FAM210A: variants seen among roughly 807,000 people sequenced by gnomAD.
FAM210A encodes family with sequence similarity 210 member A.
FAM210A carries 13 observed loss-of-function variants against 25.3 expected under a neutral mutation model. The ratio of observed to expected loss-of-function variants is 0.51; its 90% CI spans 0.33 to 0.82. FAM210A has a LOEUF of 0.82. FAM210A is among the 40% of genes least tolerant of loss of function. The pLI is 0.02. For missense variants in FAM210A, 319 were observed against 323.2 expected (o/e 0.99, Z 0.10); for synonymous variants, 125 against 118.7 (o/e 1.05, Z -0.35).
chr18:13,714,264 A>G (rs2043843898), intron 1 of FAM210A, among the ~76,000 whole-genome samples: 1 of 152,226 alleles, frequency 6.6e-6, no homozygotes, highest in Non-Finnish European at 1.5e-5. Flanking sequence ...CATACTATGT[A>G]TTAGGGGAAT....
At position 13,665,333 on chromosome 18, in the gene FAM210A, T is replaced by C. The variant is rs914984704; in HGVS notation, c.*1147A>G. Reference sequence around the variant, plus strand: ...AGGCAGAGGATGCAGTGAGCCGAGATTGTACCATTGCACTCCAGTCTGGGA... The same window carrying C: ...AGGCAGAGGATGCAGTGAGCCGAGACTGTACCATTGCACTCCAGTCTGGGA... On this transcript the variant is annotated 3_prime_UTR_variant, in exon 4 of 4. Coordinates refer to ENST00000651643, the MANE Select transcript of FAM210A (RefSeq NM_152352.4). The C allele has an allele frequency of 7.3e-6, 1 of 136,772 alleles. No homozygotes were observed. Among genetic ancestry groups the C allele is most frequent in the Non-Finnish European group, 1.5e-5 (1 of 65,676 alleles). 8.5% of individuals were successfully genotyped at this position (136,772 alleles called of 1,614,324 possible).
At chr18:13,688,418 G>A (rs980883762) in intron 1 of FAM210A, among the ~76,000 whole-genome samples, 2 of 152,066 alleles carry the variant, frequency 1.3e-5, no homozygotes, top group Admixed American at 1.3e-4. Flanking sequence ...CATCAAGAGA[G>A]GCACCTTGAC....
At position 13,681,744 on chromosome 18, in the gene FAM210A, G is replaced by A; in HGVS notation, c.334C>T (p.Pro112Ser). ...ATAGATTTGTCTTGCAAAGGATCAG[G>A]CTCTTCCTTTTTTTCCGGAGTTCCC... ...AQGTPEKKEE[P>S]DPLQDKSISL... The change falls in exon 2 of 4, where the codon CCT (proline) becomes TCT (serine). Residue 112 changes from proline to serine, a missense_variant. Transcript: ENST00000651643. The A allele has an allele frequency of 6.2e-7, 1 of 1,614,134 alleles. No homozygotes were observed. Among genetic ancestry groups the A allele is most frequent in the Non-Finnish European group, 8.5e-7 (1 of 1,180,044 alleles).
intron 2 of FAM210A, among the ~76,000 whole-genome samples, chr18:13,673,728 C>A (rs1156988660): frequency 6.0e-5 from 9 of 149,336 alleles, no homozygotes; most frequent in African/African-American, 9.8e-5. Flanking sequence ...CATTCCTGAG[C>A]CCCGACTTAT....
At chr18:13,693,821 C>T (rs2043669861) in intron 1 of FAM210A, among the ~76,000 whole-genome samples, 1 of 152,166 alleles carries the variant, frequency 6.6e-6, no homozygotes, top group Non-Finnish European at 1.5e-5. Context: ...AAAAGTGGCG[C>T]AAGACAGGGA....
intron 2 of FAM210A, among the ~76,000 whole-genome samples, chr18:13,680,773 C>T (rs2043546780): frequency 6.6e-6 from 1 of 152,138 alleles, no homozygotes; most frequent in Non-Finnish European, 1.5e-5. Context: ...ACACCAGGCC[C>T]GGACACTGAG....
intron 1 of FAM210A, chr18:13,710,166 T>G (rs1462355699): frequency 2.6e-5 from 4 of 152,294 alleles, no homozygotes; most frequent in South Asian, 4.1e-4. Context: ...AAATTCTGAT[T>G]AAATGTTGGC....
intron 1 of FAM210A, among the ~76,000 whole-genome samples, chr18:13,683,563 C>CT (rs11301016): frequency 5.9e-4 from 81 of 137,152 alleles, no homozygotes; most frequent in South Asian, 1.2e-3. Context: ...GACTGCAAGC[C>CT]TTTTTTTTTT....
At chr18:13,723,083 T>C (rs1218943398) in intron 1 of FAM210A, among the ~76,000 whole-genome samples, 1 of 152,236 alleles carries the variant, frequency 6.6e-6, no homozygotes, top group East Asian at 1.9e-4. Context: ...ATCAAATACC[T>C]GATCATTCTG....
At chr18:13,684,408 A>G (rs534178400) in intron 1 of FAM210A, among the ~76,000 whole-genome samples, 1 of 152,262 alleles carries the variant, frequency 6.6e-6, no homozygotes, top group South Asian at 2.1e-4. Flanking sequence ...AAAAAAAGAA[A>G]AAAAAAAGTG....
chr18:13,689,429 TAACACCTATTCCC>T (rs1188175975), intron 1 of FAM210A, among the ~76,000 whole-genome samples: 1 of 152,222 alleles, frequency 6.6e-6, no homozygotes, highest in Non-Finnish European at 1.5e-5. Context: ...TGACAAAATC[TAACACCTATTCCC>T]AACACCTATT....
In FAM210A at chr18:13,666,124, C is replaced by T; in HGVS notation, c.*356G>A. 1 of 212,320 alleles carries T rather than the reference C, an allele frequency of 4.7e-6. No individual in the cohort carries two copies. Among genetic ancestry groups the T allele is most frequent in the East Asian group, 1.1e-4 (1 of 8,846 alleles). The allele number at this position is 212,320 out of a possible 1,614,324, so 13.2% of individuals were successfully genotyped here. ...GGTATTAACAGACTATTTTATGGGT[C>T]ACACTGGATATTCAAGGAGTCAGCT... On this transcript the variant is annotated 3_prime_UTR_variant, in exon 4 of 4. Coordinates refer to ENST00000651643, the MANE Select transcript of FAM210A (RefSeq NM_152352.4).
rs1182264614 is a variant in FAM210A, at chr18:13,664,540, GT to G, written c.*1939del. ...AATACTTAAAAAACATGTTAATCAT[GT>G]TTAGATTTGAAAATGTGGCATCAAT... On this transcript the variant is annotated 3_prime_UTR_variant, in exon 4 of 4. Transcript: ENST00000651643. The G allele has an allele frequency of 6.6e-6, 1 of 152,130 alleles. No homozygotes were observed. Among genetic ancestry groups the G allele is most frequent in the Non-Finnish European group, 1.5e-5 (1 of 68,016 alleles). The allele number at this position is 152,130 out of a possible 1,614,324, so 9.4% of individuals were successfully genotyped here.
Position 13,699,045 on chromosome 18 carries a change from C to T in FAM210A, c.-28-16940G>A, listed in dbSNP as rs556725001. 1.2e-4 allele frequency among the ~76,000 whole-genome samples: 18 copies of T among 152,256 alleles called. No individual in the cohort carries two copies. The South Asian group carries it at 2.1e-3, about 18-fold the overall frequency. ...GGCTGGTCTCAAACTCCTGACCTCA[C>T]GCAATCCCACTTCAGCCTCCCAAAG... On this transcript the variant is annotated intron_variant, in intron 1 of 3. Transcript: ENST00000651643.
intron 1 of FAM210A, among the ~76,000 whole-genome samples, chr18:13,705,661 A>T (rs1332749522): frequency 6.6e-6 from 1 of 152,098 alleles, no homozygotes; most frequent in Non-Finnish European, 1.5e-5. Flanking sequence ...TAGTAGAGAC[A>T]GGGTTTCACC....
chr18:13,682,529 C>T (rs552332759), intron 1 of FAM210A, among the ~76,000 whole-genome samples: 16 of 152,284 alleles, frequency 1.1e-4, no homozygotes, highest in African/African-American at 3.9e-4. Flanking sequence ...GATCGGGCCA[C>T]TGCCCTCCAA....
chr18:13,682,183 T>C (rs2149057063), intron 1 of FAM210A, 78 bp from the exon 2 acceptor site: 2 of 974,640 alleles, frequency 2.1e-6, no homozygotes, highest in Non-Finnish European at 3.0e-6. Context: ...AAATCAATCA[T>C]TAACCATTAG....
chr18:13,679,384 T>C, intron 2 of FAM210A, among the ~76,000 whole-genome samples: 1 of 152,268 alleles, frequency 6.6e-6, no homozygotes, highest in South Asian at 2.1e-4. Context: ...CTGTATTTAG[T>C]ATAATCAACT....
At chr18:13,721,939 T>A (rs2043900668) in intron 1 of FAM210A, among the ~76,000 whole-genome samples, 1 of 152,030 alleles carries the variant, frequency 6.6e-6, no homozygotes, top group Non-Finnish European at 1.5e-5. Context: ...AGAAAAAAAT[T>A]AACGGTATAA....
Sources: allele counts gnomAD v4.1 joint callset (sites outside exome capture counted in the v4.1 genomes callset), GRCh38; gene constraint gnomAD v4.1.1; transcripts MANE v1.5; gene names NCBI Gene and HGNC (gene_info 2026-07-23, HGNC 2026-07-21).